The following CAPN13 variants were observed in gnomAD, a reference collection of about 807,000 sequenced individuals.
The protein encoded by CAPN13 is calpain-13.
In CAPN13, 90 loss-of-function variants were observed where a neutral mutation model predicts 98.4. That is an observed-to-expected ratio of 0.92 (90% CI 0.77 to 1.09). CAPN13 has a LOEUF of 1.09. CAPN13 is among the 50% of genes least tolerant of loss of function. The pLI is 0.00. For synonymous variants in CAPN13, 330 were observed against 305.5 expected (o/e 1.08, Z -0.84); for missense variants, 887 against 841.3 (o/e 1.05, Z -0.67).
intron 1 of CAPN13, among the ~76,000 whole-genome samples, chr2:30,791,507 G>A (rs1035463618): frequency 6.6e-6 from 1 of 152,172 alleles, no homozygotes; most frequent in Non-Finnish European, 1.5e-5. Context: ...AAATTATTTT[G>A]GAAAACATCT....
chr2:30,745,362 A>G (rs7567391), intron 12 of CAPN13: 66,345 of 507,036 alleles, frequency 0.13, 5,904 homozygotes, highest in East Asian at 0.3. Context: ...GGATTTGGGG[A>G]CTGACTACTT....
At chr2:30,764,108 C>T in intron 6 of CAPN13, 24 bp downstream of exon 6, 1 of 1,549,804 alleles carries the variant, frequency 6.5e-7, no homozygotes, top group Non-Finnish European at 8.7e-7. Context: ...TGAACTGGTG[C>T]AAAAGGGCTC....
intron 1 of CAPN13, among the ~76,000 whole-genome samples, chr2:30,801,482 G>C (rs1675267738): frequency 6.6e-6 from 1 of 151,632 alleles, no homozygotes; most frequent in Non-Finnish European, 1.5e-5. Flanking sequence ...GTGTGCACCT[G>C]TAATCCCAGC....
chr2:30,760,740 T>C (rs1303413101), intron 7 of CAPN13, among the ~76,000 whole-genome samples: 2 of 152,190 alleles, frequency 1.3e-5, no homozygotes, highest in African/African-American at 4.8e-5. Flanking sequence ...CTTGTGTCCC[T>C]CCTTTATGAC....
rs535522082 is a variant in CAPN13 at position 30,726,871 on chromosome 2, G to T, written c.*31-3635C>A. Among the ~76,000 whole-genome samples, 14 of 152,168 alleles carry T rather than the reference G, an allele frequency of 9.2e-5. No homozygotes were observed. The South Asian group carries it at 2.5e-3, about 27-fold the overall frequency. On this transcript the variant is annotated intron_variant, in intron 22 of 22. Transcript: ENST00000295055. ...TTCTAAAATTTATATGTAAATGCAA[G>T]GAACCCAGAAGAGCCAAAATAGTCT...
chr2:30,756,312 A>G lies in CAPN13; in HGVS notation c.866+1734T>C, dbSNP rs551222155. Among the ~76,000 whole-genome samples the G allele has an allele frequency of 4.7e-4, 72 of 152,096 alleles. 1 individual carries two copies. Among genetic ancestry groups the G allele is most frequent in the Admixed American group, 2.8e-3 (42 of 15,268 alleles). ...CTATCAATGTTCCCAGCTGGGTGCA[A>G]TAGCCTATGCGTCCCCCTCCTATCT... On this transcript the variant is annotated intron_variant, in intron 8 of 22. Coordinates refer to ENST00000295055, the MANE Select transcript of CAPN13 (RefSeq NM_144575.3).
intron 2 of CAPN13, among the ~76,000 whole-genome samples, chr2:30,784,468 C>T (rs72867181): frequency 0.1 from 15,766 of 152,182 alleles, 2,510 homozygotes; most frequent in African/African-American, 0.34. Flanking sequence ...TCATTTAGTA[C>T]TTAAAGTAAT....
At chr2:30,752,970 CAG>C (rs780666762) in intron 10 of CAPN13, 81 bp downstream of exon 10, 12 of 1,464,688 alleles carry the variant, frequency 8.2e-6, no homozygotes, top group African/African-American at 2.8e-5. Flanking sequence ...AATCAAGGAC[CAG>C]AGAGAGCTGA....
intron 5 of CAPN13, among the ~76,000 whole-genome samples, chr2:30,766,852 A>T (rs1369781814): frequency 6.6e-6 from 1 of 152,160 alleles, no homozygotes; most frequent in Non-Finnish European, 1.5e-5. Context: ...TTTTCATTTG[A>T]CTTGACCAAT....
At chr2:30,804,556 CA>C (rs1675491096) in intron 1 of CAPN13, among the ~76,000 whole-genome samples, 1 of 152,114 alleles carries the variant, frequency 6.6e-6, no homozygotes, top group Non-Finnish European at 1.5e-5. Context: ...AACATTCATC[CA>C]AATATTTGAT....
Position 30,759,429 on chromosome 2 carries a change from G to T in CAPN13, c.775-1292C>A, listed in dbSNP as rs534969061. On this transcript the variant is annotated intron_variant, in intron 7 of 22. Transcript: ENST00000295055. ...CCCGGGAGCCGGCAGCCCTCAGCAT[G>T]GCGAGAGGAATTAAAATATGACTGA... Among the ~76,000 whole-genome samples the T allele has an allele frequency of 1.7e-3, 259 of 152,318 alleles. 1 individual carries two copies. Among genetic ancestry groups the T allele is most frequent in the Non-Finnish European group, 2.7e-3 (186 of 68,042 alleles).
intron 22 of CAPN13, among the ~76,000 whole-genome samples, chr2:30,725,382 C>T (rs957347202): frequency 6.6e-6 from 1 of 152,012 alleles, no homozygotes; most frequent in African/African-American, 2.4e-5. Context: ...TACCTATATC[C>T]CAATCTGCTA....
chr2:30,789,414 C>T (rs900529196), intron 1 of CAPN13, among the ~76,000 whole-genome samples: 12 of 152,098 alleles, frequency 7.9e-5, no homozygotes, highest in African/African-American at 2.7e-4. Context: ...TTGTAGTTAC[C>T]CTTAATAATA....
rs191769410 is a variant in CAPN13, at chr2:30,764,124, T to C, written c.699+8A>G. 1.0e-3 allele frequency: 1,595 copies of C among 1,559,098 alleles called. 17 individuals are homozygous for C. In the African/African-American group the frequency reaches 0.019, roughly 19 times the overall value. ...GAACTGGTGCAAAAGGGCTCCCCAG[T>C]GACTTACCCCACTTGGAGTGGCACA... On this transcript the variant is annotated splice_region_variant and intron_variant, in intron 6 of 22. Coordinates refer to ENST00000295055, the MANE Select transcript of CAPN13 (RefSeq NM_144575.3).
chr2:30,764,028 TG>T, intron 6 of CAPN13, 103 bp downstream of exon 6: 1 of 1,157,336 alleles, frequency 8.6e-7, no homozygotes, highest in Non-Finnish European at 1.2e-6. Context: ...TGTTCGTTAA[TG>T]GTGGCAGCTT....
At chr2:30,755,131 C>A (rs938621279) in intron 8 of CAPN13, among the ~76,000 whole-genome samples, 3 of 151,844 alleles carry the variant, frequency 2.0e-5, no homozygotes, top group Non-Finnish European at 2.9e-5. Flanking sequence ...CACCACCCCC[C>A]CAAGCCCAAC....
At chr2:30,769,453 G>A (rs975141986) in intron 5 of CAPN13, among the ~76,000 whole-genome samples, 5 of 152,118 alleles carry the variant, frequency 3.3e-5, no homozygotes, top group Non-Finnish European at 4.4e-5. Flanking sequence ...ATTGATTATG[G>A]AAAGTTTGAG....
intron 2 of CAPN13, among the ~76,000 whole-genome samples, chr2:30,784,511 A>C (rs1264164993): frequency 6.6e-6 from 1 of 152,226 alleles, no homozygotes; most frequent in Non-Finnish European, 1.5e-5. Flanking sequence ...TTTATCCCTA[A>C]AAAGGGAAAA....
rs377694077 is a variant in CAPN13, at chr2:30,743,552, A to G, written c.1276T>C (p.Phe426Leu). The change falls in exon 13 of 23, where the codon TTT (phenylalanine) becomes CTT (leucine). Residue 426 changes from phenylalanine to leucine, a missense_variant. Physicochemically the swap from Phe to Leu is conservative, Grantham distance 22. Transcript: ENST00000295055. ...QRFREKFPPVFFSSFRNTVQS... is the reference protein window; with the variant it reads ...QRFREKFPPVLFSSFRNTVQS... ...ACAGTGTTTCTGAACGAGGAAAAAAACACGGGTGGAAATTTCTCCCGGAAC... is the reference window on the plus strand; with the variant it reads ...ACAGTGTTTCTGAACGAGGAAAAAAGCACGGGTGGAAATTTCTCCCGGAAC... 30 of 1,613,890 alleles carry G rather than the reference A, an allele frequency of 1.9e-5. No homozygotes were observed. The Admixed American group carries it at 2.7e-4, about 14-fold the overall frequency.
Sources: gnomAD v4.1 joint callset for allele counts (sites outside exome capture counted in the v4.1 genomes callset) on GRCh38, gnomAD v4.1.1 for gene constraint, MANE v1.5 for transcripts, NCBI Gene and HGNC (gene_info 2026-07-23, HGNC 2026-07-21) for gene names.